Variants in SLC4A10 observed in about 807,000 individuals in gnomAD.
SLC4A10 encodes the protein sodium-driven chloride bicarbonate exchanger.
SLC4A10 carries 42 observed loss-of-function variants against 137.7 expected under a neutral mutation model. The observed-to-expected ratio is 0.30, with a 90% confidence interval of 0.24 to 0.39. The LOEUF (loss-of-function observed/expected upper bound fraction) is 0.39, where lower values mean the gene tolerates loss of function less well. SLC4A10 is among the 10% of genes least tolerant of loss of function. The pLI is 1.00. For synonymous variants in SLC4A10, 474 were observed against 464.1 expected (o/e 1.02, Z -0.27); for missense variants, 925 against 1,355.0 (o/e 0.68, Z 4.98).
Position 161,688,048 on chromosome 2 carries a change from A to G in SLC4A10, c.48+63482A>G, listed in dbSNP as rs542957857. On this transcript the variant is annotated intron_variant, in intron 1 of 26. Transcript: ENST00000446997. The stretch of plus-strand genomic sequence containing the variant: ...CTTTCTACCAAAGTAATTATTTTTT[A>G]TTGCTCATACATAAATGACAATAGA... Among the ~76,000 whole-genome samples the G allele has an allele frequency of 7.2e-5, 11 of 152,346 alleles. No individual in the cohort carries two copies. In the South Asian group the frequency reaches 1.0e-3, roughly 14 times the overall value.
At chr2:161,837,281 TA>T (rs2058878664) in intron 3 of SLC4A10, among the ~76,000 whole-genome samples, 2 of 152,042 alleles carry the variant, frequency 1.3e-5, no homozygotes, top group African/African-American at 4.8e-5. Context: ...CACATGAAAA[TA>T]AATCACATTT....
intron 23 of SLC4A10, among the ~76,000 whole-genome samples, chr2:161,973,284 TTTAAATAAATGTA>T (rs1050337245): frequency 1.3e-5 from 2 of 152,234 alleles, no homozygotes; most frequent in African/African-American, 4.8e-5. Flanking sequence ...CTGACCCATT[TTTAAATAAATGTA>T]TTAAATAAAA....
chr2:161,672,649 A>G (rs1056845112), intron 1 of SLC4A10, among the ~76,000 whole-genome samples: 8 of 152,136 alleles, frequency 5.3e-5, no homozygotes, highest in South Asian at 2.1e-4. Context: ...CTTTGTGCAT[A>G]TCAACTTCTG....
chr2:161,904,926 T>G lies in SLC4A10; in HGVS notation c.1751+17T>G. 1 of 1,613,466 alleles carries G rather than the reference T, an allele frequency of 6.2e-7. No individual in the cohort carries two copies. Among genetic ancestry groups the G allele is most frequent in the Non-Finnish European group, 8.5e-7 (1 of 1,179,564 alleles). Reference sequence around the variant, plus strand: ...ATTTTGCAAGTAAGTGTTATGTACTTTTTGGCCCTTAGCCTCTTCCTTTTT... The same window carrying G: ...ATTTTGCAAGTAAGTGTTATGTACTGTTTGGCCCTTAGCCTCTTCCTTTTT... On this transcript the variant is annotated intron_variant, in intron 14 of 26. Coordinates refer to ENST00000446997, the MANE Select transcript of SLC4A10 (RefSeq NM_001178015.2).
chr2:161,937,771 A>G (rs1252129454), intron 15 of SLC4A10, among the ~76,000 whole-genome samples: 2 of 152,184 alleles, frequency 1.3e-5, no homozygotes, highest in East Asian at 1.9e-4. Context: ...TAAGCTTTCA[A>G]TGTTACCAAA....
chr2:161,671,738 C>T (rs1003163802), intron 1 of SLC4A10, among the ~76,000 whole-genome samples: 6 of 152,004 alleles, frequency 3.9e-5, no homozygotes, highest in African/African-American at 1.5e-4. Context: ...CTCTGTTAAA[C>T]GTTTTCATAG....
At position 161,636,454 on chromosome 2, in the gene SLC4A10, G is replaced by T. The variant is rs773617487; in HGVS notation, c.48+11888G>T. Among the ~76,000 whole-genome samples the T allele has an allele frequency of 2.6e-5, 4 of 152,236 alleles. No homozygotes were observed. The South Asian group carries it at 8.3e-4, about 32-fold the overall frequency. On this transcript the variant is annotated intron_variant, in intron 1 of 26. Coordinates refer to ENST00000446997, the MANE Select transcript of SLC4A10 (RefSeq NM_001178015.2). ...TTGTTGCCCGGGCTGGAGTGCAGTG[G>T]CACGGTCTCAGCTCACTGCAACCTC...
chr2:161,904,306 C>T (rs1357705445), intron 13 of SLC4A10, 128 bp downstream of exon 13: 2 of 986,438 alleles, frequency 2.0e-6, no homozygotes, highest in Non-Finnish European at 2.9e-6. Flanking sequence ...GGCAGATACA[C>T]CTTATATGAA....
At chr2:161,926,386 GTTTTTTTTTT>G (rs1174458600) in intron 15 of SLC4A10, among the ~76,000 whole-genome samples, 526 of 22,972 alleles carry the variant, frequency 0.023, 11 homozygotes, top group African/African-American at 0.058. Context: ...CCTTTTTTTG[GTTTTTTTTTT>G]TTTTTTTTTT....
intron 2 of SLC4A10, among the ~76,000 whole-genome samples, chr2:161,799,295 G>A (rs2055125266): frequency 6.6e-6 from 1 of 151,724 alleles, no homozygotes; most frequent in Non-Finnish European, 1.5e-5. Flanking sequence ...TAATTGTCAA[G>A]TCATTTTAGA....
At chr2:161,926,393 T>TTG (rs1307970848) in intron 15 of SLC4A10, among the ~76,000 whole-genome samples, 2 of 108,850 alleles carry the variant, frequency 1.8e-5, no homozygotes, top group Non-Finnish European at 3.9e-5. Context: ...TTGGTTTTTT[T>TTG]TTTTTTTTTT....
At chr2:161,919,410 C>T (rs1046921079) in intron 15 of SLC4A10, among the ~76,000 whole-genome samples, 11 of 152,084 alleles carry the variant, frequency 7.2e-5, no homozygotes, top group Admixed American at 2.0e-4. Flanking sequence ...AAATATGGCA[C>T]TTTTGCTGCT....
chr2:161,792,464 T>C (rs1235546359), intron 2 of SLC4A10, among the ~76,000 whole-genome samples: 1 of 146,412 alleles, frequency 6.8e-6, no homozygotes, highest in Non-Finnish European at 1.5e-5. Flanking sequence ...TTAAATATGT[T>C]CTTATTTAAA....
intron 6 of SLC4A10, among the ~76,000 whole-genome samples, chr2:161,870,410 A>G (rs1437307921): frequency 6.6e-6 from 1 of 151,790 alleles, no homozygotes; most frequent in African/African-American, 2.4e-5. Context: ...AGAACTAAAT[A>G]ATTGTTCTTC....
chr2:161,719,449 T>C (rs1353594955), intron 1 of SLC4A10, among the ~76,000 whole-genome samples: 1 of 152,230 alleles, frequency 6.6e-6, no homozygotes, highest in African/African-American at 2.4e-5. Flanking sequence ...ATGGTATTTC[T>C]AGTTCTAGAT....
intron 2 of SLC4A10, among the ~76,000 whole-genome samples, chr2:161,802,111 C>A (rs1044601312): frequency 6.6e-6 from 1 of 151,970 alleles, no homozygotes; most frequent in African/African-American, 2.4e-5. Flanking sequence ...GGTACTTGAA[C>A]CAATTATAAT....
chr2:161,819,943 T>C (rs936763937), intron 3 of SLC4A10, among the ~76,000 whole-genome samples: 3 of 152,180 alleles, frequency 2.0e-5, no homozygotes, highest in Non-Finnish European at 4.4e-5. Flanking sequence ...ATGAGGGAAA[T>C]TTGTAACACT....
intron 1 of SLC4A10, among the ~76,000 whole-genome samples, chr2:161,642,150 A>T (rs2105495396): frequency 6.6e-6 from 1 of 152,102 alleles, no homozygotes; most frequent in Non-Finnish European, 1.5e-5. Context: ...TAGAACTAAA[A>T]GGATACATAT....
chr2:161,640,710 C>T (rs1442368472), intron 1 of SLC4A10, among the ~76,000 whole-genome samples: 3 of 149,336 alleles, frequency 2.0e-5, no homozygotes, highest in South Asian at 2.1e-4. Context: ...GGAGTGCAGT[C>T]GCTGGTTACA....
Sources: allele counts gnomAD v4.1 joint callset (sites outside exome capture counted in the v4.1 genomes callset), GRCh38; gene constraint gnomAD v4.1.1; transcripts MANE v1.5; gene names NCBI Gene and HGNC (gene_info 2026-07-23, HGNC 2026-07-21).